MEIKIN: variants seen among roughly 807,000 people sequenced by gnomAD.
The protein encoded by MEIKIN is meiosis-specific kinetochore protein.
At chr5:131,936,580 C>T (rs1751780789) in intron 4 of MEIKIN, among the ~76,000 whole-genome samples, 1 of 152,034 alleles carries the variant, frequency 6.6e-6, no homozygotes, top group Admixed American at 6.6e-5. Flanking sequence ...ATACTAAGTA[C>T]TATTTTGTTC....
intron 8 of MEIKIN, among the ~76,000 whole-genome samples, chr5:131,893,824 G>T (rs1750983569): frequency 6.6e-6 from 1 of 152,148 alleles, no homozygotes; most frequent in Non-Finnish European, 1.5e-5. Context: ...CCATTCTGTA[G>T]GTTGCCTGTT....
chr5:131,881,128 G>A (rs1435504115), intron 8 of MEIKIN, among the ~76,000 whole-genome samples: 1 of 152,128 alleles, frequency 6.6e-6, no homozygotes, highest in Non-Finnish European at 1.5e-5. Context: ...ATATTAGCCT[G>A]AAAAATGACA....
At chr5:131,884,783 G>C (rs993292470) in intron 8 of MEIKIN, among the ~76,000 whole-genome samples, 3 of 151,462 alleles carry the variant, frequency 2.0e-5, no homozygotes, top group Admixed American at 6.6e-5. Context: ...GATGTGCCCT[G>C]GGCCAGAGAG....
chr5:131,813,665 G>A (rs1170608248), intron 12 of MEIKIN, among the ~76,000 whole-genome samples: 1 of 151,918 alleles, frequency 6.6e-6, no homozygotes, highest in African/African-American at 2.4e-5. Context: ...CTGATCTCAT[G>A]ATCCGCCCGC....
At chr5:131,908,526 CG>C (rs1751281662) in intron 8 of MEIKIN, among the ~76,000 whole-genome samples, 4 of 152,066 alleles carry the variant, frequency 2.6e-5, no homozygotes, top group Admixed American at 2.6e-4. Context: ...GAAGAAGACA[CG>C]ATGCTCACTT....
chr5:131,865,640 TAC>T (rs951340645), intron 9 of MEIKIN, among the ~76,000 whole-genome samples: 1 of 152,080 alleles, frequency 6.6e-6, no homozygotes, highest in African/African-American at 2.4e-5. Context: ...CATCTGGTGT[TAC>T]AGCTGCTTTT....
At chr5:131,860,912 C>A (rs567961919) in intron 9 of MEIKIN, among the ~76,000 whole-genome samples, 1 of 151,688 alleles carries the variant, frequency 6.6e-6, no homozygotes, top group African/African-American at 2.4e-5. Context: ...CAGGCATGCA[C>A]CACCATGCCC....
At chr5:131,824,087 A>C (rs1580859942) in intron 11 of MEIKIN, among the ~76,000 whole-genome samples, 1 of 152,290 alleles carries the variant, frequency 6.6e-6, no homozygotes, top group East Asian at 1.9e-4. Context: ...TGTGACCACC[A>C]CCAATGGGAC....
intron 9 of MEIKIN, among the ~76,000 whole-genome samples, chr5:131,871,469 G>A (rs905456493): frequency 2.0e-5 from 3 of 152,210 alleles, no homozygotes; most frequent in Admixed American, 6.5e-5. Context: ...CGCCATTCCC[G>A]AGTCTTGATT....
chr5:131,886,307 C>G (rs1026203913), intron 8 of MEIKIN, among the ~76,000 whole-genome samples: 2 of 151,906 alleles, frequency 1.3e-5, no homozygotes, highest in African/African-American at 4.8e-5. Context: ...ATATCAAGTA[C>G]AAGAAGGTTA....
intron 9 of MEIKIN, among the ~76,000 whole-genome samples, chr5:131,860,725 G>T (rs1750270275): frequency 6.7e-6 from 1 of 148,750 alleles, no homozygotes; most frequent in African/African-American, 2.5e-5. Flanking sequence ...GGGATTACAG[G>T]CGTGAGCCAC....
chr5:131,813,429 C>CTTT (rs70974017), intron 12 of MEIKIN, among the ~76,000 whole-genome samples: 13,615 of 140,618 alleles, frequency 0.097, 896 homozygotes, highest in Middle Eastern at 0.16. Flanking sequence ...TAACTATATT[C>CTTT]TTTTTTTTTT....
chr5:131,853,604 A>G (rs989481911), intron 10 of MEIKIN, among the ~76,000 whole-genome samples: 1 of 152,232 alleles, frequency 6.6e-6, no homozygotes, highest in Non-Finnish European at 1.5e-5. Flanking sequence ...TTTGTAAATC[A>G]TATGTTGGGT....
At chr5:131,824,964 T>C (rs1035630953) in intron 11 of MEIKIN, among the ~76,000 whole-genome samples, 4 of 152,008 alleles carry the variant, frequency 2.6e-5, no homozygotes, top group African/African-American at 4.8e-5. Context: ...GGTGAGAGGA[T>C]CACTTGAGTC....
In MEIKIN at chr5:131,941,142, C is replaced by CTTTTTTTTTTTTTTTTTTTT. The variant is rs397999274; in HGVS notation, c.349+1473_349+1492dup. On this transcript the variant is annotated intron_variant, in intron 4 of 12. Transcript: ENST00000442687. ...TTGACAATTCCTTCAAGATCTCTTC[C>CTTTTTTTTTTTTTTTTTTTT]TTTTTTTTTTTTTTTTTTTTTTTTT... 8.4e-5 allele frequency among the ~76,000 whole-genome samples: 5 copies of CTTTTTTTTTTTTTTTTTTTT among 59,662 alleles called. 1 individual carries two copies. Among genetic ancestry groups the CTTTTTTTTTTTTTTTTTTTT allele is most frequent in the African/African-American group, 2.3e-4 (3 of 13,088 alleles). The allele number at this position is 59,662 out of a possible 152,430, so 39.1% of individuals were successfully genotyped here. A position where few individuals can be genotyped will look rare whatever the true frequency, so the allele number is the denominator to read the frequency against.
chr5:131,810,032 C>T (rs949464288), intron 12 of MEIKIN, among the ~76,000 whole-genome samples: 1 of 152,086 alleles, frequency 6.6e-6, no homozygotes, highest in Non-Finnish European at 1.5e-5. Context: ...AGATAGGAGG[C>T]TAAAATTCAG....
intron 10 of MEIKIN, among the ~76,000 whole-genome samples, chr5:131,852,862 T>C (rs1580872913): frequency 2.6e-5 from 2 of 77,712 alleles, no homozygotes; most frequent in African/African-American, 5.6e-5. Flanking sequence ...GTCACTAAAT[T>C]AGTTTTGCCA....
At chr5:131,927,814 T>C (rs1751614425) in intron 5 of MEIKIN, among the ~76,000 whole-genome samples, 1 of 152,182 alleles carries the variant, frequency 6.6e-6, no homozygotes, top group Non-Finnish European at 1.5e-5. Context: ...GGAATATCTT[T>C]TTCCATCTCT....
chr5:131,910,168 T>C (rs570102938), intron 8 of MEIKIN, among the ~76,000 whole-genome samples: 3 of 152,284 alleles, frequency 2.0e-5, no homozygotes, highest in Non-Finnish European at 2.9e-5. Context: ...GGAAGCAACC[T>C]AAGTGTCCAT....
Sources: allele counts gnomAD v4.1 joint callset (sites outside exome capture counted in the v4.1 genomes callset), GRCh38; gene constraint gnomAD v4.1.1; transcripts MANE v1.5; gene names NCBI Gene and HGNC (gene_info 2026-07-23, HGNC 2026-07-21).